Variants in ASTN2 observed in about 807,000 individuals in gnomAD.
ASTN2 encodes astrotactin-2.
A neutral mutation model predicts 139.8 loss-of-function variants in ASTN2; 54 were observed. The ratio of observed to expected loss-of-function variants is 0.39; its 90% CI spans 0.31 to 0.48. The LOEUF (loss-of-function observed/expected upper bound fraction) is 0.48. Ranked by LOEUF, ASTN2 falls within the 20% of genes least tolerant of loss-of-function variation. The pLI is 0.95. For missense variants in ASTN2, 1,565 were observed against 1,725.1 expected (o/e 0.91, Z 1.64); for synonymous variants, 756 against 719.5 (o/e 1.05, Z -0.81).
chr9:116,467,248 G>GAGAC (rs1554767359), intron 20 of ASTN2, among the ~76,000 whole-genome samples: 2 of 95,594 alleles, frequency 2.1e-5, no homozygotes, highest in Admixed American at 1.3e-4. Flanking sequence ...CTTGAGGAAA[G>GAGAC]AGATAGAGAG....
rs10115151 is a variant in ASTN2, at chr9:117,181,625, T to C, written c.1015+32733A>G. On this transcript the variant is annotated intron_variant, in intron 3 of 22. Coordinates refer to ENST00000313400, the MANE Select transcript of ASTN2 (RefSeq NM_001365068.1). The stretch of plus-strand genomic sequence containing the variant: ...CTCTGGAGTCAGACCCAGGTCCCAA[T>C]TGTAGCTCTACCACTTCCTGGTGCT... 4.5e-3 allele frequency among the ~76,000 whole-genome samples: 692 copies of C among 152,252 alleles called. 8 individuals are homozygous for C. The highest frequency in any genetic ancestry group is 0.016 in the African/African-American group (646 of 41,546).
intron 1 of ASTN2, among the ~76,000 whole-genome samples, chr9:117,358,120 C>A (rs1461087380): frequency 6.6e-6 from 1 of 152,136 alleles, no homozygotes; most frequent in East Asian, 1.9e-4. Context: ...TCATACTTAG[C>A]GTTTAAGAAG....
intron 6 of ASTN2, among the ~76,000 whole-genome samples, chr9:117,023,013 CTG>C (rs1308509174): frequency 6.6e-6 from 1 of 151,708 alleles, no homozygotes; most frequent in East Asian, 1.9e-4. Flanking sequence ...AACAACAAAA[CTG>C]AAGACAATAA....
At chr9:116,607,088 C>A (rs532011819) in intron 19 of ASTN2, among the ~76,000 whole-genome samples, 2 of 152,312 alleles carry the variant, frequency 1.3e-5, no homozygotes, top group East Asian at 3.9e-4. Flanking sequence ...TCATCTACAG[C>A]ATCAACTGGT....
At chr9:116,840,660 AC>A (rs1832213486) in intron 11 of ASTN2, among the ~76,000 whole-genome samples, 6 of 86,138 alleles carry the variant, frequency 7.0e-5, no homozygotes, top group Non-Finnish European at 1.7e-4. Flanking sequence ...CACTTCTCAG[AC>A]GGGGCGGTTG....
intron 3 of ASTN2, among the ~76,000 whole-genome samples, chr9:117,151,880 C>A (rs765910390): frequency 8.5e-5 from 13 of 152,164 alleles, no homozygotes; most frequent in Non-Finnish European, 1.5e-4. Flanking sequence ...AATTCCACTT[C>A]TTTTCATAGC....
intron 13 of ASTN2, among the ~76,000 whole-genome samples, chr9:116,771,099 C>A (rs574946672): frequency 2.4e-4 from 37 of 152,320 alleles, no homozygotes; most frequent in South Asian, 1.0e-3. Flanking sequence ...GCCTAACAAC[C>A]ATTTACCCTT....
chr9:117,211,063 C>T (rs1485958669), intron 3 of ASTN2, among the ~76,000 whole-genome samples: 1 of 151,078 alleles, frequency 6.6e-6, no homozygotes, highest in Non-Finnish European at 1.5e-5. Flanking sequence ...AAGAAAATAC[C>T]TCAACATAAT....
intron 12 of ASTN2, among the ~76,000 whole-genome samples, chr9:116,810,828 GCTT>G (rs1359387237): frequency 6.6e-6 from 1 of 151,994 alleles, no homozygotes; most frequent in East Asian, 1.9e-4. Flanking sequence ...GGGCTCGATG[GCTT>G]CTTTTCAGTT....
chr9:117,382,932 A>G (rs570284630), intron 1 of ASTN2, among the ~76,000 whole-genome samples: 328 of 152,318 alleles, frequency 2.2e-3, no homozygotes, highest in African/African-American at 7.7e-3. Context: ...AAACAAAAGA[A>G]TGAATACTAT....
At chr9:116,922,863 A>T (rs1310598399) in intron 10 of ASTN2, among the ~76,000 whole-genome samples, 1 of 152,208 alleles carries the variant, frequency 6.6e-6, no homozygotes, top group Non-Finnish European at 1.5e-5. Context: ...TTGGAGACTG[A>T]AAGAGATTTC....
At chr9:117,390,592 T>C (rs1588005823) in intron 1 of ASTN2, among the ~76,000 whole-genome samples, 2 of 152,202 alleles carry the variant, frequency 1.3e-5, no homozygotes, top group Non-Finnish European at 2.9e-5. Context: ...TGAAATCATA[T>C]AGTATGTGGC....
intron 16 of ASTN2, among the ~76,000 whole-genome samples, chr9:116,654,194 C>A (rs1048664838): frequency 6.6e-6 from 1 of 152,192 alleles, no homozygotes; most frequent in African/African-American, 2.4e-5. Flanking sequence ...CAAATCCAGT[C>A]CCCTTCCAGC....
intron 16 of ASTN2, chr9:116,697,746 G>C: frequency 6.2e-7 from 1 of 1,613,918 alleles, no homozygotes. Flanking sequence ...AAGAGCAATG[G>C]CTGCAGCAGC....
chr9:116,808,947 A>G (rs1352564681), intron 12 of ASTN2, among the ~76,000 whole-genome samples: 1 of 152,016 alleles, frequency 6.6e-6, no homozygotes, highest in South Asian at 2.1e-4. Flanking sequence ...CCTTCTATAG[A>G]TTATCCATTA....
At chr9:116,530,414 T>C (rs1851294673) in intron 19 of ASTN2, among the ~76,000 whole-genome samples, 1 of 151,654 alleles carries the variant, frequency 6.6e-6, no homozygotes, top group African/African-American at 2.4e-5. Context: ...AAGAGACCTA[T>C]TGTACATCAT....
At chr9:117,298,742 A>G (rs1282506362) in intron 1 of ASTN2, among the ~76,000 whole-genome samples, 1 of 148,470 alleles carries the variant, frequency 6.7e-6, no homozygotes, top group East Asian at 2.0e-4. Context: ...GTATATATAT[A>G]TATCTTAAAA....
At chr9:116,660,010 T>TG (rs1304857184) in intron 16 of ASTN2, among the ~76,000 whole-genome samples, 1 of 152,172 alleles carries the variant, frequency 6.6e-6, no homozygotes, top group African/African-American at 2.4e-5. Context: ...GGACTCTAGT[T>TG]GGGGTGTGGG....
At chr9:117,282,004 C>A (rs538716985) in intron 2 of ASTN2, among the ~76,000 whole-genome samples, 1 of 152,290 alleles carries the variant, frequency 6.6e-6, no homozygotes. Context: ...TACTCGCTGT[C>A]TCTCTCTTTT....
Sources: gnomAD v4.1 joint callset for allele counts (sites outside exome capture counted in the v4.1 genomes callset) on GRCh38, gnomAD v4.1.1 for gene constraint, MANE v1.5 for transcripts, NCBI Gene and HGNC (gene_info 2026-07-23, HGNC 2026-07-21) for gene names.